Variants in GALNT11 observed in about 807,000 individuals in gnomAD.
GALNT11 encodes the protein UDP-GalNAc:polypeptide N-acetylgalactosaminyltransferase 11.
GALNT11 carries 47 observed loss-of-function variants against 72.7 expected under a neutral mutation model. That is an observed-to-expected ratio of 0.65 (90% CI 0.51 to 0.82). The LOEUF is 0.82. Ranked by LOEUF, GALNT11 falls within the 40% of genes least tolerant of loss-of-function variation. The pLI is 0.00. For synonymous variants in GALNT11, 270 were observed against 286.6 expected, an observed-to-expected ratio of 0.94 and a Z score of 0.58; for missense variants, 677 against 778.4, an observed-to-expected ratio of 0.87 and a Z score of 1.55.
intron 3 of GALNT11, among the ~76,000 whole-genome samples, chr7:152,101,642 T>TG (rs35797393): frequency 0.042 from 3,889 of 92,924 alleles, 102 homozygotes; most frequent in African/African-American, 0.052. Flanking sequence ...GGCTTTTTTT[T>TG]GGGGGGGGGG....
chr7:152,101,698 A>G (rs2086923174), intron 3 of GALNT11, among the ~76,000 whole-genome samples: 1 of 148,844 alleles, frequency 6.7e-6, no homozygotes, highest in Non-Finnish European at 1.5e-5. Flanking sequence ...TGGTGGCATG[A>G]TGTCGGCTCA....
At chr7:152,082,397 A>G (rs1215844663) in intron 1 of GALNT11, among the ~76,000 whole-genome samples, 1 of 152,192 alleles carries the variant, frequency 6.6e-6, no homozygotes, top group Non-Finnish European at 1.5e-5. Flanking sequence ...ACGGGACCTC[A>G]CATTCTGTAT....
intron 1 of GALNT11, among the ~76,000 whole-genome samples, chr7:152,078,620 A>C (rs891050744): frequency 6.6e-6 from 1 of 152,250 alleles, no homozygotes; most frequent in East Asian, 1.9e-4. Context: ...TTCCACTTCT[A>C]AGTAATATGC....
rs190993051 is a variant in GALNT11, at chr7:152,052,381, A to G, written c.-39+26497A>G. Among the ~76,000 whole-genome samples, 60 of 152,188 alleles carry G rather than the reference A, an allele frequency of 3.9e-4. 1 individual carries two copies. The highest frequency in any genetic ancestry group is 1.7e-3 in the East Asian group (9 of 5,166). On this transcript the variant is annotated intron_variant, in intron 1 of 11. Transcript: ENST00000430044. ...TACTATATACTCAAAAGTATATTGT[A>G]TATGTATACACTATATATTTGTATA...
At chr7:152,097,732 T>G (rs1332204550) in intron 2 of GALNT11, among the ~76,000 whole-genome samples, 2 of 152,182 alleles carry the variant, frequency 1.3e-5, no homozygotes, top group Non-Finnish European at 2.9e-5. Flanking sequence ...ATTATGCTTG[T>G]GAAAGAAGCC....
At position 152,110,535 on chromosome 7, in the gene GALNT11, A is replaced by G; in HGVS notation, c.970A>G (p.Thr324Ala). ...TAATTTTCCTTTTTCTAGGTCACCA[A>G]CAATGGCTGGAGGTTTGTTTGCCAT... Reference protein sequence around the residue: ...EGATAPIKSPTMAGGLFAMNR... With the variant: ...EGATAPIKSPAMAGGLFAMNR... Residue 324 changes from threonine to alanine, a missense_variant, in exon 7 of 12, where the codon ACA becomes GCA. Coordinates refer to ENST00000430044, the MANE Select transcript of GALNT11 (RefSeq NM_022087.4). 6.2e-7 allele frequency: 1 copy of G among 1,612,920 alleles called. No homozygotes were observed. Among genetic ancestry groups the G allele is most frequent in the Non-Finnish European group, 8.5e-7 (1 of 1,179,664 alleles).
intron 1 of GALNT11, chr7:152,075,198 G>C (rs1173992010): frequency 1.3e-5 from 2 of 152,300 alleles, no homozygotes. Context: ...GATCTCCTCT[G>C]TGTCTTTCCA....
At position 152,094,635 on chromosome 7, in the gene GALNT11, T is replaced by C. The variant is rs2086261395; in HGVS notation, c.295+113T>C. The C allele has an allele frequency of 8.0e-7, 1 of 1,249,748 alleles. No individual in the cohort carries two copies. The highest frequency in any genetic ancestry group is 1.5e-5 in the African/African-American group (1 of 65,748). 77.4% of individuals were successfully genotyped at this position (1,249,748 alleles called of 1,614,324 possible). ...CTGCATCATTTTTTCCCCACTGATTTATTTTGTTTGTGAACTACCTGAAGT... is the reference window on the plus strand; with the variant it reads ...CTGCATCATTTTTTCCCCACTGATTCATTTTGTTTGTGAACTACCTGAAGT... On this transcript the variant is annotated intron_variant, in intron 2 of 11. Coordinates refer to ENST00000430044, the MANE Select transcript of GALNT11 (RefSeq NM_022087.4). The surrounding 1 kb of genome is among the most constrained non-coding windows in gnomAD (Gnocchi z 4.3).
intron 1 of GALNT11, among the ~76,000 whole-genome samples, chr7:152,062,267 G>A (rs1434212406): frequency 6.6e-6 from 1 of 151,490 alleles, no homozygotes; most frequent in Non-Finnish European, 1.5e-5. Context: ...TGATTTGGCT[G>A]TCTGTTACTG....
intron 6 of GALNT11, among the ~76,000 whole-genome samples, chr7:152,110,280 T>A (rs2088040955): frequency 6.6e-6 from 1 of 152,156 alleles, no homozygotes; most frequent in Non-Finnish European, 1.5e-5. Flanking sequence ...GAAATGGTTA[T>A]AATAGGAAAA....
At chr7:152,118,183 G>C (rs2089066467) in intron 9 of GALNT11, 1 of 162,366 alleles carries the variant, frequency 6.2e-6, no homozygotes, top group African/African-American at 2.4e-5. Flanking sequence ...CTAAGTAGGA[G>C]AGAGCAGTGT....
At chr7:152,082,870 T>C (rs181053454) in intron 1 of GALNT11, among the ~76,000 whole-genome samples, 26 of 152,360 alleles carry the variant, frequency 1.7e-4, no homozygotes, top group African/African-American at 5.8e-4. Context: ...CAATGTAATT[T>C]AAATTTGCAC....
intron 1 of GALNT11, among the ~76,000 whole-genome samples, chr7:152,050,923 G>T (rs913157876): frequency 6.6e-6 from 1 of 152,102 alleles, no homozygotes; most frequent in Non-Finnish European, 1.5e-5. Flanking sequence ...CGATGTGAAA[G>T]CCCTACAATC....
chr7:152,048,240 G>A (rs940734755), intron 1 of GALNT11, among the ~76,000 whole-genome samples: 4 of 151,866 alleles, frequency 2.6e-5, no homozygotes, highest in South Asian at 2.1e-4. Flanking sequence ...TGGCCTTTAA[G>A]GCTACCACTG....
intron 1 of GALNT11, among the ~76,000 whole-genome samples, chr7:152,040,851 G>A (rs949060359): frequency 5.3e-5 from 8 of 152,262 alleles, no homozygotes; most frequent in South Asian, 2.1e-4. Context: ...AAGCTTTACC[G>A]TTGCTAGACC....
intron 1 of GALNT11, among the ~76,000 whole-genome samples, chr7:152,080,926 C>T (rs2085286179): frequency 6.6e-6 from 1 of 152,020 alleles, no homozygotes; most frequent in African/African-American, 2.4e-5. Flanking sequence ...GCCAAGATCT[C>T]GCCACTGCAC....
chr7:152,054,534 G>T lies in GALNT11; in HGVS notation c.-39+28650G>T, dbSNP rs1426864840. On this transcript the variant is annotated intron_variant, in intron 1 of 11. Transcript: ENST00000430044. ...TTTTTTTTTTTTTTTTTGAGGCAGG[G>T]TCTCATGCTGTTTCCCTGGCAGAAG... Among the ~76,000 whole-genome samples, 7 of 144,038 alleles carry T rather than the reference G, an allele frequency of 4.9e-5. No individual in the cohort carries two copies. The South Asian group carries it at 1.3e-3, about 27-fold the overall frequency. 94.5% of individuals were successfully genotyped at this position (144,038 alleles called of 152,430 possible).
In GALNT11 at chr7:152,047,709, T is replaced by TGTGTGTGTGTGC. The variant is rs528749652; in HGVS notation, c.-39+21826_-39+21827insTGTGTGTGTGCG. Among the ~76,000 whole-genome samples the TGTGTGTGTGTGC allele has an allele frequency of 4.8e-3, 731 of 151,288 alleles. 6 individuals are homozygous for TGTGTGTGTGTGC. The highest frequency in any genetic ancestry group is 0.017 in the African/African-American group (696 of 40,954). ...CACCGTGTGTGTGTGTGTGTGTGTG[T>TGTGTGTGTGTGC]GCGCACACACACAAGTATGTATACT... On this transcript the variant is annotated intron_variant, in intron 1 of 11. Transcript: ENST00000430044.
At chr7:152,063,377 G>C (rs745468869) in intron 1 of GALNT11, among the ~76,000 whole-genome samples, 62 of 151,872 alleles carry the variant, frequency 4.1e-4, no homozygotes, top group Admixed American at 3.3e-3. Context: ...TCTTGCTAGC[G>C]GTCTATCAAT....
Sources: allele counts gnomAD v4.1 joint callset (sites outside exome capture counted in the v4.1 genomes callset), GRCh38; gene constraint gnomAD v4.1.1; non-coding constraint Gnocchi (gnomAD v3.1); transcripts MANE v1.5; gene names NCBI Gene and HGNC (gene_info 2026-07-23, HGNC 2026-07-21).